Variants in LIPC observed in about 807,000 individuals in gnomAD.
The protein encoded by LIPC is hepatic triacylglycerol lipase.
In LIPC, 44 loss-of-function variants were observed where a neutral mutation model predicts 50.7. That is an observed-to-expected ratio of 0.87 (90% CI 0.68 to 1.11). The LOEUF is 1.11. Among genes scored for constraint, LIPC ranks in the 50% most tolerant of loss-of-function variants. LIPC has a pLI of 0.00. For synonymous variants in LIPC, 271 were observed against 256.4 expected, an observed-to-expected ratio of 1.06 and a Z score of -0.54; for missense variants, 697 against 648.2, an observed-to-expected ratio of 1.08 and a Z score of -0.82.
In LIPC at chr15:58,548,365, T is replaced by A. The variant is rs1465123085; in HGVS notation, c.844T>A (p.Ser282Thr). ...GACCATAAAATGCTCCCACGAGCGA[T>A]CGGTGCACCTTTTCATCGACTCCTT... ...TQTIKCSHER[S>T]VHLFIDSLLH... The change falls in exon 6 of 9, where the codon TCG (serine) becomes ACG (threonine). Residue 282 changes from serine to threonine, a missense_variant. By Grantham distance (58) the Ser-to-Thr change is moderately conservative (BLOSUM62 1). Coordinates refer to ENST00000299022, the MANE Select transcript of LIPC (RefSeq NM_000236.3). 3.1e-6 allele frequency: 5 copies of A among 1,614,020 alleles called. No individual in the cohort carries two copies. Among genetic ancestry groups the A allele is most frequent in the Non-Finnish European group, 4.2e-6 (5 of 1,180,032 alleles).
chr15:58,510,783 G>A (rs550719838), intron 1 of LIPC, among the ~76,000 whole-genome samples: 1 of 152,320 alleles, frequency 6.6e-6, no homozygotes, highest in Non-Finnish European at 1.5e-5. Context: ...TGTGTATACT[G>A]GATTCAATGA....
At chr15:58,493,512 C>A (rs1449613681) in intron 1 of LIPC, among the ~76,000 whole-genome samples, 1 of 148,618 alleles carries the variant, frequency 6.7e-6, no homozygotes, top group Non-Finnish European at 1.5e-5. Flanking sequence ...TATATACACA[C>A]CTAGAAAAAA....
At chr15:58,489,734 A>G (rs1255269034) in intron 1 of LIPC, among the ~76,000 whole-genome samples, 9 of 152,204 alleles carry the variant, frequency 5.9e-5, no homozygotes, top group Admixed American at 2.0e-4. Flanking sequence ...AAATTTGCCT[A>G]TATCTTAGCA....
chr15:58,478,261 GAC>G (rs1432701634), intron 1 of LIPC, among the ~76,000 whole-genome samples: 3 of 152,142 alleles, frequency 2.0e-5, no homozygotes, highest in African/African-American at 4.8e-5. Flanking sequence ...TTGTTTGGGA[GAC>G]AGTCACGCTC....
chr15:58,546,911 A>T (rs1196694541), intron 5 of LIPC, among the ~76,000 whole-genome samples: 2 of 152,068 alleles, frequency 1.3e-5, no homozygotes, highest in Non-Finnish European at 2.9e-5. Context: ...CCTTCTGGGA[A>T]CTTGCCCTTA....
chr15:58,456,294 TAAGGAA>T (rs1434840449), intron 1 of LIPC: 2 of 152,134 alleles, frequency 1.3e-5, no homozygotes, highest in Non-Finnish European at 2.9e-5. Context: ...ACATTTGCAT[TAAGGAA>T]AAAACACGTT....
In LIPC at chr15:58,473,039, C is replaced by T. The variant is rs191952785; in HGVS notation, c.88+40919C>T. 5.6e-4 allele frequency among the ~76,000 whole-genome samples: 86 copies of T among 152,278 alleles called. 1 individual carries two copies. Among genetic ancestry groups the T allele is most frequent in the African/African-American group, 1.6e-3 (67 of 41,562 alleles). On this transcript the variant is annotated intron_variant, in intron 1 of 8. Transcript: ENST00000299022. ...CTAGCACTGGCAGAGGGGAGCTGGA[C>T]GCCTGGACAGCTGGGGAGGGGGAGG...
At chr15:58,452,609 A>G (rs1893943454) in intron 1 of LIPC, among the ~76,000 whole-genome samples, 1 of 152,194 alleles carries the variant, frequency 6.6e-6, no homozygotes, top group South Asian at 2.1e-4. Context: ...ATCTGATTTG[A>G]CATTCTTCCC....
At chr15:58,438,668 C>G (rs914459490) in intron 1 of LIPC, among the ~76,000 whole-genome samples, 5 of 152,140 alleles carry the variant, frequency 3.3e-5, no homozygotes, top group Non-Finnish European at 7.3e-5. Flanking sequence ...GTCACTCCAG[C>G]CCTGGAGGAG....
At chr15:58,513,122 C>T (rs1326734148) in intron 1 of LIPC, among the ~76,000 whole-genome samples, 1 of 152,178 alleles carries the variant, frequency 6.6e-6, no homozygotes, top group Non-Finnish European at 1.5e-5. Context: ...CCCACAGTCC[C>T]TAGGTTCCGC....
intron 6 of LIPC, among the ~76,000 whole-genome samples, chr15:58,551,462 C>A (rs1356554022): frequency 6.6e-6 from 1 of 152,230 alleles, no homozygotes; most frequent in Admixed American, 6.5e-5. Context: ...GTCAGTTACA[C>A]AAGCCACCTT....
intron 1 of LIPC, among the ~76,000 whole-genome samples, chr15:58,457,149 G>A (rs11631896): frequency 0.14 from 21,592 of 152,142 alleles, 1,953 homozygotes; most frequent in African/African-American, 0.24. Flanking sequence ...CACTCTTGTT[G>A]CCCAGAATGG....
At chr15:58,480,103 C>T (rs1409535739) in intron 1 of LIPC, among the ~76,000 whole-genome samples, 1 of 152,192 alleles carries the variant, frequency 6.6e-6, no homozygotes, top group Non-Finnish European at 1.5e-5. Context: ...AATTAACAGT[C>T]TGTTCCCCAC....
chr15:58,511,303 G>A (rs1388376892), intron 1 of LIPC, among the ~76,000 whole-genome samples: 1 of 152,162 alleles, frequency 6.6e-6, no homozygotes. Flanking sequence ...GGATCTGCCT[G>A]GGGAGGGAGT....
intron 1 of LIPC, among the ~76,000 whole-genome samples, chr15:58,502,536 A>G (rs1311455403): frequency 3.4e-5 from 5 of 145,958 alleles, no homozygotes; most frequent in African/African-American, 1.0e-4. Context: ...TGTTTTTATG[A>G]AAACGTATCA....
At chr15:58,453,903 A>T (rs187742758) in intron 1 of LIPC, among the ~76,000 whole-genome samples, 2 of 152,080 alleles carry the variant, frequency 1.3e-5, no homozygotes, top group Non-Finnish European at 2.9e-5. Flanking sequence ...AAGAAAAAAA[A>T]TGGATAGAAT....
intron 1 of LIPC, among the ~76,000 whole-genome samples, chr15:58,518,351 G>A (rs1892546417): frequency 6.6e-6 from 1 of 152,158 alleles, no homozygotes; most frequent in Admixed American, 6.5e-5. Flanking sequence ...AGAAAGCAGT[G>A]GTGATTAAGT....
chr15:58,503,176 G>T (rs1440691563), intron 1 of LIPC, among the ~76,000 whole-genome samples: 1 of 151,594 alleles, frequency 6.6e-6, no homozygotes, highest in African/African-American at 2.4e-5. Flanking sequence ...TGTCAAAAAG[G>T]GGGAAACTGA....
At chr15:58,437,208 G>A (rs937939275) in intron 1 of LIPC, among the ~76,000 whole-genome samples, 13 of 152,110 alleles carry the variant, frequency 8.5e-5, no homozygotes, top group African/African-American at 2.4e-4. Context: ...TCCAAGAGTC[G>A]TTGAGCCTCC....
Sources: allele counts gnomAD v4.1 joint callset (sites outside exome capture counted in the v4.1 genomes callset), GRCh38; gene constraint gnomAD v4.1.1; transcripts MANE v1.5; gene names NCBI Gene and HGNC (gene_info 2026-07-23, HGNC 2026-07-21).